CCDC32: variants seen among roughly 807,000 people sequenced by gnomAD.
The protein encoded by CCDC32 is coiled-coil domain-containing protein 32.
CCDC32 carries 9 observed loss-of-function variants against 20.1 expected under a neutral mutation model. The observed-to-expected ratio is 0.45, with a 90% CI of 0.27 to 0.78. The LOEUF is 0.78. Among genes scored for constraint, CCDC32 ranks in the 30% least tolerant of loss-of-function variants. CCDC32 has a pLI of 0.16. For synonymous variants in CCDC32, 63 were observed against 79.0 expected (o/e 0.80, Z 1.07); for missense variants, 204 against 215.5 (o/e 0.95, Z 0.33).
At chr15:40,555,909 C>A (rs1165297494) in intron 3 of CCDC32, among the ~76,000 whole-genome samples, 1 of 152,136 alleles carries the variant, frequency 6.6e-6, no homozygotes, top group Non-Finnish European at 1.5e-5. Flanking sequence ...TAATTTCTTA[C>A]CAAACTCTAA....
intron 3 of CCDC32, among the ~76,000 whole-genome samples, chr15:40,555,937 A>G (rs778928966): frequency 4.6e-5 from 7 of 152,220 alleles, no homozygotes. Flanking sequence ...TAGGAAGGAT[A>G]ATATTAGTAA....
chr15:40,529,446 GGA>G (rs1274542357), intron 3 of CCDC32: 1 of 152,182 alleles, frequency 6.6e-6, no homozygotes, highest in East Asian at 1.9e-4. Context: ...AAAAGCAGAG[GGA>G]GAGAGAGCAA....
chr15:40,525,051 G>A (rs1467161657), downstream of CCDC32, among the ~76,000 whole-genome samples: 2 of 148,096 alleles, frequency 1.4e-5, no homozygotes, highest in African/African-American at 5.0e-5. Context: ...TTTTTTTTGA[G>A]ATGGAGTCTC....
intron 3 of CCDC32, 45 bp from the exon 4 acceptor site, chr15:40,554,172 GA>G (rs1890079964): frequency 6.4e-7 from 1 of 1,568,204 alleles, no homozygotes; most frequent in Admixed American, 1.9e-5. Flanking sequence ...AGACCTCACT[GA>G]TTAATTACTT....
intron 3 of CCDC32, chr15:40,528,894 G>A: frequency 1.6e-6 from 1 of 642,138 alleles, no homozygotes; most frequent in South Asian, 1.8e-5. Context: ...ACAGACTCGT[G>A]TCTAACCACC....
At chr15:40,541,087 G>A (rs979906887) in intron 3 of CCDC32, among the ~76,000 whole-genome samples, 4 of 152,170 alleles carry the variant, frequency 2.6e-5, no homozygotes, top group African/African-American at 7.2e-5. Flanking sequence ...ATGCTCACGC[G>A]CTGCCTCACA....
At chr15:40,541,596 T>C (rs1218218659) in intron 3 of CCDC32, among the ~76,000 whole-genome samples, 3 of 152,166 alleles carry the variant, frequency 2.0e-5, no homozygotes, top group African/African-American at 7.2e-5. Context: ...CCTCCCACAG[T>C]GTTGGGATTA....
At position 40,562,857 on chromosome 15, in the gene CCDC32, C is replaced by T; in HGVS notation, c.159G>A (p.Gln53=). The T allele has an allele frequency of 1.2e-6, 2 of 1,614,236 alleles. No homozygotes were observed. ...FVDSCPEGEG[Q]REVADFAVQP... is the part of the protein sequence containing the mutation. ...GGACAGCAAAGTCAGCCACCTCCCT[C>T]TGGCCTTCACCTTCAGGGCAAGAAT... Residue 53 remains glutamine (Q), a synonymous_variant, in exon 2 of 4, where the codon CAG becomes CAA. Coordinates refer to ENST00000416810, the MANE Select transcript of CCDC32 (RefSeq NM_001080792.4).
downstream of CCDC32, among the ~76,000 whole-genome samples, chr15:40,532,847 G>A (rs563540183): frequency 1.1e-4 from 16 of 150,526 alleles, no homozygotes; most frequent in Non-Finnish European, 1.6e-4. Context: ...TCAGGCTGGC[G>A]CGTGCCACCA....
chr15:40,528,789 A>C, exon 4 of CCDC32: 1 of 698,892 alleles, frequency 1.4e-6, no homozygotes, highest in East Asian at 2.7e-5. Flanking sequence ...TTTCTCAAAA[A>C]ACTATTAAAA....
chr15:40,553,753 A>G lies in CCDC32; in HGVS notation c.*218T>C, dbSNP rs1044474. 0.43 allele frequency: 580,946 copies of G among 1,350,806 alleles called. 130,423 individuals carry two copies. Among genetic ancestry groups the G allele is most frequent in the Non-Finnish European group, 0.47 (492,047 of 1,051,658 alleles). The allele number at this position is 1,350,806 out of a possible 1,614,324, so 83.7% of individuals were successfully genotyped here. On this transcript the variant is annotated 3_prime_UTR_variant, in exon 4 of 4. Coordinates refer to ENST00000416810, the MANE Select transcript of CCDC32 (RefSeq NM_001080792.4). The stretch of plus-strand genomic sequence containing the variant: ...CTGGGTCAGTCACTTCATCCGAGAC[A>G]GTCACACATGCCAGCCCCAGGTAAG...
chr15:40,557,871 T>C (rs1207451238), intron 2 of CCDC32: 1 of 152,388 alleles, frequency 6.6e-6, no homozygotes, highest in African/African-American at 2.4e-5. Flanking sequence ...GATATTAAAA[T>C]TGACTTGATG....
At chr15:40,532,248 A>T, downstream of CCDC32, 1 of 703,324 alleles carries the variant, frequency 1.4e-6, no homozygotes, top group Admixed American at 2.0e-5. Flanking sequence ...ATGGTAACAT[A>T]CTATTGTCCT....
rs1566986784 is a variant in CCDC32, at chr15:40,563,008, A to C, written c.8T>G (p.Met3Arg). 3.7e-6 allele frequency: 6 copies of C among 1,613,888 alleles called. No homozygotes were observed. Among genetic ancestry groups the C allele is most frequent in the Non-Finnish European group, 5.1e-6 (6 of 1,180,018 alleles). MK[M>R]FESADSTATR... is the part of the protein sequence containing the mutation. ...GGCTGTAGAGTCAGCGCTCTCAAAC[A>C]TTTTCATTTGGAATCTGAGCTATAA... is the stretch of plus-strand genomic sequence containing the variant. Residue 3 changes from methionine to arginine, a missense_variant, in exon 2 of 4, where the codon ATG becomes AGG. By Grantham distance (91) the Met-to-Arg change is moderately conservative. Transcript: ENST00000416810.
chr15:40,523,961 T>G (rs1371962752), downstream of CCDC32, among the ~76,000 whole-genome samples: 1 of 152,022 alleles, frequency 6.6e-6, no homozygotes, highest in African/African-American at 2.4e-5. Flanking sequence ...TAAAAGAAAA[T>G]GTATATTCAC....
At chr15:40,534,476 G>C (rs541480761), downstream of CCDC32, 1 of 157,796 alleles carries the variant, frequency 6.3e-6, no homozygotes, top group South Asian at 1.9e-4. Context: ...AATGAGAGCC[G>C]ACTGAAGGGG....
chr15:40,539,350 C>A (rs1027087927), exon 4 of CCDC32: 3 of 1,535,532 alleles, frequency 2.0e-6, no homozygotes, highest in South Asian at 1.2e-5. Context: ...TCTGGAGTTA[C>A]AGGGCCTATG....
chr15:40,545,468 A>G (rs1889579557), intron 3 of CCDC32, among the ~76,000 whole-genome samples: 1 of 34,324 alleles, frequency 2.9e-5, no homozygotes, highest in South Asian at 1.0e-3. Context: ...TTGGGAAAAG[A>G]AAACCTTTAG....
chr15:40,549,449 A>G (rs981111600), downstream of CCDC32, among the ~76,000 whole-genome samples: 2 of 151,964 alleles, frequency 1.3e-5, no homozygotes, highest in Non-Finnish European at 2.9e-5. Flanking sequence ...ATTCATTTCT[A>G]TGGACTCAGC....
Sources: allele counts gnomAD v4.1 joint callset (sites outside exome capture counted in the v4.1 genomes callset), GRCh38; gene constraint gnomAD v4.1.1; transcripts MANE v1.5; gene names NCBI Gene and HGNC (gene_info 2026-07-23, HGNC 2026-07-21).